MYH9: variants seen among roughly 807,000 people sequenced by gnomAD.
MYH9 encodes the protein myosin heavy chain 9.
A neutral mutation model predicts 241.9 loss-of-function variants in MYH9; 29 were observed. The ratio of observed to expected loss-of-function variants is 0.12; its 90% CI spans 0.09 to 0.16. The LOEUF (loss-of-function observed/expected upper bound fraction) is 0.16, where lower values mean the gene tolerates loss of function less well. Ranked by LOEUF, MYH9 falls within the 10% of genes least tolerant of loss-of-function variation. The pLI is 1.00. For synonymous variants in MYH9, 1,047 were observed against 1,062.6 expected (o/e 0.99, Z 0.29); for missense variants, 1,803 against 2,595.5 (o/e 0.69, Z 6.63).
Position 36,282,579 on chromosome 22 carries a change from G to T in MYH9, c.*89C>A. The T allele has an allele frequency of 8.4e-7, 1 of 1,194,846 alleles. No individual in the cohort carries two copies. The allele number at this position is 1,194,846 out of a possible 1,614,324, so 74.0% of individuals were successfully genotyped here. A position where few individuals can be genotyped will look rare whatever the true frequency, so the allele number is the denominator to read the frequency against. ...GGAGGCATGTTCACAGCAGTCCCAA[G>T]AAGGTGGGGAGAGGCGTGCTGCGGG... On this transcript the variant is annotated 3_prime_UTR_variant, in exon 41 of 41. Transcript: ENST00000216181.
intron 1 of MYH9, among the ~76,000 whole-genome samples, chr22:36,361,087 T>C: frequency 6.6e-6 from 1 of 152,060 alleles, no homozygotes; most frequent in East Asian, 1.9e-4. Flanking sequence ...GCCCTCACTC[T>C]CCCCAGGCTA....
At position 36,301,777 on chromosome 22, in the gene MYH9, G is replaced by A. The variant is rs946752282; in HGVS notation, c.2500-112C>T. The stretch of plus-strand genomic sequence containing the variant: ...GAAACATGAAAGTGAGGGGCAAGAA[G>A]ACACGCTGTGGTGGGGGCTGCAAGC... On this transcript the variant is annotated intron_variant, in intron 20 of 40. Coordinates refer to ENST00000216181, the MANE Select transcript of MYH9 (RefSeq NM_002473.6). 3.0e-5 allele frequency: 44 copies of A among 1,446,836 alleles called. No homozygotes were observed. In the Admixed American group the frequency reaches 7.3e-4, roughly 24 times the overall value. The allele number at this position is 1,446,836 out of a possible 1,614,324, so 89.6% of individuals were successfully genotyped here.
At chr22:36,339,073 A>T (rs1603483822) in intron 3 of MYH9, among the ~76,000 whole-genome samples, 1 of 152,200 alleles carries the variant, frequency 6.6e-6, no homozygotes, top group Admixed American at 6.5e-5. Context: ...CCACCACCAA[A>T]TTTTTGTTGT....
intron 1 of MYH9, among the ~76,000 whole-genome samples, chr22:36,365,845 A>G: frequency 6.6e-6 from 1 of 152,196 alleles, no homozygotes; most frequent in East Asian, 1.9e-4. Flanking sequence ...TACACATGCT[A>G]TTCACTCTGA....
Position 36,295,421 on chromosome 22 carries a change from T to TGC in MYH9, c.3485+82_3485+83dup, listed in dbSNP as rs2146338534. On this transcript the variant is annotated intron_variant, in intron 26 of 40. Coordinates refer to ENST00000216181, the MANE Select transcript of MYH9 (RefSeq NM_002473.6). The surrounding 1 kb of genome is among the most constrained non-coding windows in gnomAD (Gnocchi z 4.1). Reference sequence around the variant, plus strand: ...GCCACGGTGTGTGTGTGTGTGTGTGTGCAGAGGCCCGGGGTCCATGTCTCC... The same window carrying TGC: ...GCCACGGTGTGTGTGTGTGTGTGTGTGCGCAGAGGCCCGGGGTCCATGTCTCC... 3.7e-6 allele frequency: 4 copies of TGC among 1,079,386 alleles called. No individual in the cohort carries two copies. The highest frequency in any genetic ancestry group is 1.3e-5 in the South Asian group (1 of 77,036). The allele number at this position is 1,079,386 out of a possible 1,614,324, so 66.9% of individuals were successfully genotyped here.
Position 36,294,312 on chromosome 22 carries a change from A to G in MYH9, c.3631-14T>C. 1 of 1,612,754 alleles carries G rather than the reference A, an allele frequency of 6.2e-7. No individual in the cohort carries two copies. Among genetic ancestry groups the G allele is most frequent in the Non-Finnish European group, 8.5e-7 (1 of 1,179,934 alleles). On this transcript the variant is annotated splice_polypyrimidine_tract_variant and intron_variant, in intron 27 of 40. Transcript: ENST00000216181. Reference sequence around the variant, plus strand: ...GTTTGCTTTCACCTAGCAGGGAAGAAAGCAAAGACGTGAGTGGGGGCCTCC... The same window carrying G: ...GTTTGCTTTCACCTAGCAGGGAAGAGAGCAAAGACGTGAGTGGGGGCCTCC...
chr22:36,307,686 G>A (rs1293880992), intron 15 of MYH9, among the ~76,000 whole-genome samples: 5 of 152,124 alleles, frequency 3.3e-5, no homozygotes, highest in Admixed American at 6.5e-5. Context: ...TCAGGAGTTC[G>A]AGACCAGCCA....
chr22:36,298,238 T>A (rs1207812062), intron 24 of MYH9, among the ~76,000 whole-genome samples: 2 of 151,932 alleles, frequency 1.3e-5, no homozygotes, highest in Non-Finnish European at 2.9e-5. Context: ...GTAGTCGGGG[T>A]TCCCCTGTTC....
intron 19 of MYH9, 107 bp from the exon 20 acceptor site, chr22:36,302,783 C>T (rs1005342603): frequency 2.1e-6 from 2 of 933,994 alleles, no homozygotes; most frequent in African/African-American, 3.3e-5. Flanking sequence ...TTGCCTGGGG[C>T]ACCTCAAGAA....
chr22:36,281,939 A>T lies in MYH9; in HGVS notation c.*729T>A, dbSNP rs1006033894. On this transcript the variant is annotated 3_prime_UTR_variant, in exon 41 of 41. Transcript: ENST00000216181. ...CTGGCCTTTCCAGCTTGACCCCGAC[A>T]GCCTTGCTGTGGCAGAGGCAGGCTG... 3.4e-5 allele frequency: 8 copies of T among 232,274 alleles called. No homozygotes were observed. The Admixed American group carries it at 4.5e-4, about 13-fold the overall frequency. 14.4% of individuals were successfully genotyped at this position (232,274 alleles called of 1,614,324 possible). A position where few individuals can be genotyped will look rare whatever the true frequency, so the allele number is the denominator to read the frequency against.
At chr22:36,316,900 A>T (rs984995254) in intron 11 of MYH9, among the ~76,000 whole-genome samples, 1 of 152,222 alleles carries the variant, frequency 6.6e-6, no homozygotes, top group East Asian at 1.9e-4. Flanking sequence ...ATAAACTTAG[A>T]TCTTTTGAAA....
chr22:36,380,601 C>A (rs371621952), intron 1 of MYH9, among the ~76,000 whole-genome samples: 1 of 152,030 alleles, frequency 6.6e-6, no homozygotes, highest in Non-Finnish European at 1.5e-5. Context: ...ATTAGCCAGG[C>A]GTGGTGACAG....
rs115743906 is a variant in MYH9 at position 36,363,330 on chromosome 22, G to C, written c.-19-14075C>G. Among the ~76,000 whole-genome samples, 698 of 152,226 alleles carry C rather than the reference G, an allele frequency of 4.6e-3. 9 individuals are homozygous for C. Among genetic ancestry groups the C allele is most frequent in the African/African-American group, 0.016 (666 of 41,528 alleles). On this transcript the variant is annotated intron_variant, in intron 1 of 40. Transcript: ENST00000216181. ...CCCCAACCCTCTTGCTCTTGCCCAG[G>C]GTGCTGCAGAGAGAGCATCAATGCT...
chr22:36,302,874 A>G (rs1320339272), intron 19 of MYH9, among the ~76,000 whole-genome samples, 198 bp from the exon 20 acceptor site: 2 of 152,200 alleles, frequency 1.3e-5, no homozygotes, highest in African/African-American at 4.8e-5. Context: ...ATGAGGCACT[A>G]ATCTTACAGT....
chr22:36,308,270 ATT>A (rs59819767), intron 15 of MYH9, among the ~76,000 whole-genome samples: 15 of 143,672 alleles, frequency 1.0e-4, no homozygotes, highest in African/African-American at 1.0e-4. Context: ...CTGTTTTAAG[ATT>A]TTTTTTTTTT....
intron 1 of MYH9, among the ~76,000 whole-genome samples, chr22:36,380,206 G>A (rs775140586): frequency 2.2e-4 from 34 of 152,312 alleles, no homozygotes; most frequent in Non-Finnish European, 4.1e-4. Context: ...AGTCAATCGG[G>A]CACAACAGCA....
chr22:36,309,451 A>C (rs2017025071), intron 14 of MYH9, 55 bp from the exon 15 acceptor site: 2 of 1,349,378 alleles, frequency 1.5e-6, no homozygotes, highest in East Asian at 4.6e-5. Context: ...ATGTGTGCTC[A>C]CAGGGTCTCC....
chr22:36,311,925 C>T (rs2017070404), intron 14 of MYH9, 124 bp downstream of exon 14: 5 of 1,151,550 alleles, frequency 4.3e-6, no homozygotes, highest in Non-Finnish European at 6.5e-6. Flanking sequence ...AGTCATTGTG[C>T]AAGAACCGTA....
At position 36,293,824 on chromosome 22, in the gene MYH9, C is replaced by T. The variant is rs778278736; in HGVS notation, c.3877G>A (p.Asp1293Asn). Residue 1293 changes from aspartate (D) to asparagine (N), a missense_variant, in exon 29 of 41, where the codon GAC (aspartate) becomes AAC (asparagine). This residue lies in a region of MYH9 where 876 missense variants were observed against 1,077.8 expected (regional missense o/e 0.81). Transcript: ENST00000216181. This position sits in a 1 kb window ranked among gnomAD's most constrained non-coding sequence, Gnocchi z 5.1. ...TTGGTGAGCTTGCTGGACTTGCTGTCGGACTGGCTGAGAAGCCCGGTCACG... is the reference window on the plus strand; with the variant it reads ...TTGGTGAGCTTGCTGGACTTGCTGTTGGACTGGCTGAGAAGCCCGGTCACG... ...DNVTGLLSQS[D>N]SKSSKLTKDF... 8 of 1,613,856 alleles carry T rather than the reference C, an allele frequency of 5.0e-6. No individual in the cohort carries two copies. In the Middle Eastern group the frequency reaches 9.9e-4, roughly 200 times the overall value.
Sources: gnomAD v4.1 joint callset for allele counts (sites outside exome capture counted in the v4.1 genomes callset) on GRCh38, gnomAD v4.1.1 for gene constraint, gnomAD v4.1.1 regional missense constraint, Gnocchi (gnomAD v3.1) non-coding constraint, MANE v1.5 for transcripts, NCBI Gene and HGNC (gene_info 2026-07-23, HGNC 2026-07-21) for gene names.